Variants in RACGAP1 observed in about 807,000 individuals in gnomAD.
RACGAP1 encodes Rac GTPase activating protein 1.
In RACGAP1, 30 loss-of-function variants were observed where a neutral mutation model predicts 78.1. The observed-to-expected ratio is 0.38, with a 90% confidence interval of 0.29 to 0.52. RACGAP1 has a LOEUF of 0.52. Ranked by LOEUF, RACGAP1 falls within the 20% of genes least tolerant of loss-of-function variation. The pLI is 0.82. For synonymous variants in RACGAP1, 231 were observed against 264.8 expected (o/e 0.87, Z 1.24); for missense variants, 587 against 777.1 (o/e 0.76, Z 2.91).
At chr12:50,002,130 G>C (rs572378083) in intron 6 of RACGAP1, 117 bp downstream of exon 6, 1 of 630,004 alleles carries the variant, frequency 1.6e-6, no homozygotes, top group East Asian at 3.0e-5. Flanking sequence ...TTCATCTGTA[G>C]TATGTGCTTA....
At chr12:50,001,306 G>T in intron 6 of RACGAP1, 54 bp from the exon 7 acceptor site, 1 of 1,433,094 alleles carries the variant, frequency 7.0e-7, no homozygotes, top group South Asian at 1.2e-5. Flanking sequence ...CTGAAGCACA[G>T]AAGATAAAAT....
At chr12:49,993,593 C>G (rs1025685713) in intron 12 of RACGAP1, among the ~76,000 whole-genome samples, 1 of 149,900 alleles carries the variant, frequency 6.7e-6, no homozygotes, top group East Asian at 1.9e-4. Context: ...TTGAGACCAG[C>G]CTGGCTAACA....
chr12:49,997,269 TA>T (rs1948357128), intron 9 of RACGAP1, 65 bp from the exon 10 acceptor site: 1 of 1,265,756 alleles, frequency 7.9e-7, no homozygotes, highest in South Asian at 2.0e-5. Context: ...CATAATCAAC[TA>T]ACTTTTTTTT....
chr12:50,010,464 C>CA (rs1291769114), intron 2 of RACGAP1, among the ~76,000 whole-genome samples: 11 of 151,888 alleles, frequency 7.2e-5, no homozygotes, highest in African/African-American at 2.7e-4. Context: ...ACTGGGATTA[C>CA]AGGTGAATGC....
At chr12:50,032,193 C>A (rs946693910) in intron 1 of RACGAP1, among the ~76,000 whole-genome samples, 6 of 151,914 alleles carry the variant, frequency 3.9e-5, no homozygotes, top group Non-Finnish European at 8.8e-5. Context: ...CTAGGGTTGT[C>A]GAGAGGAATA....
chr12:50,012,216 C>T (rs1446306906), intron 2 of RACGAP1, among the ~76,000 whole-genome samples: 3 of 151,986 alleles, frequency 2.0e-5, no homozygotes, highest in Admixed American at 6.5e-5. Context: ...CACCTGAGGT[C>T]GGGAGTTCAA....
In RACGAP1 at chr12:49,992,526, A is replaced by G. The variant is rs762301075; in HGVS notation, c.1445+24T>C. The G allele has an allele frequency of 1.1e-5, 18 of 1,606,190 alleles. No individual in the cohort carries two copies. The East Asian group carries it at 3.8e-4, about 34-fold the overall frequency. ...CTTGGAAAAAAATTCCCTAACTCCC[A>G]GAACAAGTTTCTGCTGTACTCACCT... On this transcript the variant is annotated intron_variant, in intron 13 of 16. Coordinates refer to ENST00000312377, the MANE Select transcript of RACGAP1 (RefSeq NM_001319999.2).
At position 50,001,269 on chromosome 12, in the gene RACGAP1, GACCC is replaced by G. The variant is rs1162783482; in HGVS notation, c.550-21_550-18del. On this transcript the variant is annotated intron_variant, in intron 6 of 16. Transcript: ENST00000312377. ...AGTAGAGCGCTAGAAAGGAGACAAA[GACCC>G]GTAACTTTAATGCCAAGCAGATCTG... is the stretch of plus-strand genomic sequence containing the variant. The G allele has an allele frequency of 6.3e-7, 1 of 1,578,410 alleles. No individual in the cohort carries two copies. Among genetic ancestry groups the G allele is most frequent in the Non-Finnish European group, 8.7e-7 (1 of 1,148,444 alleles).
In RACGAP1 at chr12:50,016,558, T is replaced by C. The variant is rs1243911146; in HGVS notation, c.85+73A>G. On this transcript the variant is annotated intron_variant, in intron 2 of 16. Transcript: ENST00000312377. Reference sequence around the variant, plus strand: ...GGAAAACAACTTTAAGATTGGAAAATACTTCAGCTTTGTAAAAATCCCAAA... The same window carrying C: ...GGAAAACAACTTTAAGATTGGAAAACACTTCAGCTTTGTAAAAATCCCAAA... The C allele has an allele frequency of 2.8e-6, 4 of 1,453,098 alleles. No homozygotes were observed. The East Asian group carries it at 9.1e-5, about 33-fold the overall frequency. The allele number at this position is 1,453,098 out of a possible 1,614,324, so 90.0% of individuals were successfully genotyped here. A position where few individuals can be genotyped will look rare whatever the true frequency, so the allele number is the denominator to read the frequency against.
intron 6 of RACGAP1, among the ~76,000 whole-genome samples, chr12:50,001,944 T>C (rs1232708050): frequency 6.6e-6 from 1 of 151,796 alleles, no homozygotes; most frequent in African/African-American, 2.4e-5. Flanking sequence ...CAGGCACCTG[T>C]ATCCCAGCTG....
chr12:49,991,862 A>T (rs1470401794), intron 15 of RACGAP1, 136 bp downstream of exon 15: 3 of 1,511,868 alleles, frequency 2.0e-6, no homozygotes, highest in Non-Finnish European at 2.6e-6. Context: ...GCAAAAAAAA[A>T]TTACGATGGT....
chr12:49,989,194 A>C lies in RACGAP1; in HGVS notation c.*1074T>G, dbSNP rs1947684326. On this transcript the variant is annotated 3_prime_UTR_variant, in exon 17 of 17. Coordinates refer to ENST00000312377, the MANE Select transcript of RACGAP1 (RefSeq NM_001319999.2). ...TGAAAAAGCTATTTACTTTTTTTCC[A>C]AATATTATCCCAAATAGGTGTTTTA... is the stretch of plus-strand genomic sequence containing the variant. 6.6e-6 allele frequency: 1 copy of C among 152,186 alleles called. No individual in the cohort carries two copies. The highest frequency in any genetic ancestry group is 6.5e-5 in the Admixed American group (1 of 15,274). The allele number at this position is 152,186 out of a possible 1,614,324, so 9.4% of individuals were successfully genotyped here.
chr12:50,027,282 G>A (rs1398776869), upstream of RACGAP1, among the ~76,000 whole-genome samples: 1 of 152,122 alleles, frequency 6.6e-6, no homozygotes, highest in Non-Finnish European at 1.5e-5. Context: ...GATTGCATTA[G>A]CCTGTGCCTG....
At chr12:50,012,365 C>G (rs1035832106) in intron 2 of RACGAP1, among the ~76,000 whole-genome samples, 2 of 151,684 alleles carry the variant, frequency 1.3e-5, no homozygotes, top group Admixed American at 6.6e-5. Context: ...TTGAGACCAT[C>G]CTGGCTAACA....
upstream of RACGAP1, among the ~76,000 whole-genome samples, chr12:50,028,518 C>T (rs1333217475): frequency 1.3e-5 from 2 of 152,236 alleles, no homozygotes; most frequent in African/African-American, 4.8e-5. Context: ...CCTGTAATCC[C>T]AGCCCTTTGG....
rs368923677 is a variant in RACGAP1, at chr12:50,015,559, T to C, written c.85+1072A>G. ...GCTCACGCCTGTAATCCCAGCACTT[T>C]GGGAGGCCGAGGCGGGCAGATCACG... is the stretch of plus-strand genomic sequence containing the variant. On this transcript the variant is annotated intron_variant, in intron 2 of 16. Coordinates refer to ENST00000312377, the MANE Select transcript of RACGAP1 (RefSeq NM_001319999.2). Among the ~76,000 whole-genome samples the C allele has an allele frequency of 2.6e-5, 4 of 152,202 alleles. No homozygotes were observed. The East Asian group carries it at 7.7e-4, about 29-fold the overall frequency.
intron 13 of RACGAP1, 68 bp from the exon 14 acceptor site, chr12:49,992,445 A>T (rs1040602842): frequency 1.3e-6 from 2 of 1,588,202 alleles, no homozygotes; most frequent in Non-Finnish European, 1.7e-6. Flanking sequence ...TATAAATTCT[A>T]TAAGAAAACA....
At chr12:50,028,396 C>T (rs956278642), upstream of RACGAP1, among the ~76,000 whole-genome samples, 1 of 152,200 alleles carries the variant, frequency 6.6e-6, no homozygotes. Context: ...TGTCACTACC[C>T]TTGTCCAATC....
intron 7 of RACGAP1, among the ~76,000 whole-genome samples, chr12:50,000,623 G>T (rs1433554192): frequency 6.6e-6 from 1 of 152,094 alleles, no homozygotes; most frequent in Non-Finnish European, 1.5e-5. Context: ...TAAAAATAAA[G>T]AAATCTCGTA....
Sources: gnomAD v4.1 joint callset for allele counts (sites outside exome capture counted in the v4.1 genomes callset) on GRCh38, gnomAD v4.1.1 for gene constraint, MANE v1.5 for transcripts, NCBI Gene and HGNC (gene_info 2026-07-23, HGNC 2026-07-21) for gene names.